Variants in IL6R observed in about 807,000 individuals in gnomAD.
IL6R encodes the protein interleukin 6 receptor.
Under a neutral mutation model 48.3 loss-of-function variants are expected in IL6R, and 38 were observed. That is an observed-to-expected ratio of 0.79 (90% CI 0.61 to 1.03). The LOEUF (loss-of-function observed/expected upper bound fraction) is 1.03. Among genes scored for constraint, IL6R ranks in the 50% least tolerant of loss-of-function variants. The pLI is 0.00. For missense variants in IL6R, 534 were observed against 618.3 expected, an observed-to-expected ratio of 0.86 and a Z score of 1.45; for synonymous variants, 264 against 256.2, an observed-to-expected ratio of 1.03 and a Z score of -0.29.
rs1338006987 is a variant in IL6R at position 154,413,008 on chromosome 1, C to CTT, written c.85+7304_85+7305dup. ...TGAGTTTATTTATCTGGTTCCCCCC[C>CTT]TTTTTTTTTTTGAGACAGAGTCTTG... On this transcript the variant is annotated intron_variant, in intron 1 of 9. Coordinates refer to ENST00000368485, the MANE Select transcript of IL6R (RefSeq NM_000565.4). Among the ~76,000 whole-genome samples, 5 of 144,786 alleles carry CTT rather than the reference C, an allele frequency of 3.5e-5. No homozygotes were observed. The East Asian group carries it at 6.0e-4, about 17-fold the overall frequency. The allele number at this position is 144,786 out of a possible 152,430, so 95.0% of individuals were successfully genotyped here.
intron 6 of IL6R, among the ~76,000 whole-genome samples, chr1:154,443,499 T>G (rs6676117): frequency 0.019 from 2,959 of 152,322 alleles, 108 homozygotes; most frequent in African/African-American, 0.067. Flanking sequence ...CCACTTCCAC[T>G]GCATCACCTG....
chr1:154,447,442 A>ATATATATATATATATATAT (rs375992381), intron 6 of IL6R, among the ~76,000 whole-genome samples: 3 of 60,228 alleles, frequency 5.0e-5, no homozygotes, highest in East Asian at 4.3e-4. Flanking sequence ...CCATCTCAAA[A>ATATATATATATATATATAT]AAAAAAAAAA....
rs369231171 is a variant in IL6R at position 154,413,829 on chromosome 1, A to ATCTC, written c.85+8131_85+8134dup. On this transcript the variant is annotated intron_variant, in intron 1 of 9. Coordinates refer to ENST00000368485, the MANE Select transcript of IL6R (RefSeq NM_000565.4). ...TTTGCCAAGAAATTTCTTTTTTTCC[A>ATCTC]TCTCTCTCTCTCTCTCTCTTTCTTT... 5.0e-3 allele frequency among the ~76,000 whole-genome samples: 558 copies of ATCTC among 112,136 alleles called. 6 individuals are homozygous for ATCTC. Among genetic ancestry groups the ATCTC allele is most frequent in the African/African-American group, 0.017 (511 of 29,292 alleles). The allele number at this position is 112,136 out of a possible 152,430, so 73.6% of individuals were successfully genotyped here.
Position 154,405,527 on chromosome 1 carries a change from C to CAGG in IL6R, c.-103_-102insAGG. 2.3e-6 allele frequency: 1 copy of CAGG among 438,994 alleles called. No individual in the cohort carries two copies. Among genetic ancestry groups the CAGG allele is most frequent in the Non-Finnish European group, 4.1e-6 (1 of 246,416 alleles). 27.2% of individuals were successfully genotyped at this position (438,994 alleles called of 1,614,324 possible). ...GGCTGCCCCCGGGGCCTGAGCCCGCCTGCCCGCCCACCGCCCCGCCCCGCC... is the reference window on the plus strand; with the variant it reads ...GGCTGCCCCCGGGGCCTGAGCCCGCCAGGTGCCCGCCCACCGCCCCGCCCCGCC... On this transcript the variant is annotated 5_prime_UTR_variant, in exon 1 of 10. Transcript: ENST00000368485. This position sits in a 1 kb window ranked among gnomAD's most constrained non-coding sequence, Gnocchi z 5.2.
At chr1:154,441,422 C>G (rs1689928036) in intron 6 of IL6R, among the ~76,000 whole-genome samples, 1 of 152,118 alleles carries the variant, frequency 6.6e-6, no homozygotes, top group South Asian at 2.1e-4. Flanking sequence ...GAGCGGAAGA[C>G]TTTGAGCCCT....
rs1243256285 is a variant in IL6R at position 154,467,573 on chromosome 1, A to G, written c.*2193A>G. 6.6e-6 allele frequency: 1 copy of G among 152,192 alleles called. No individual in the cohort carries two copies. Among genetic ancestry groups the G allele is most frequent in the African/African-American group, 2.4e-5 (1 of 41,438 alleles). The allele number at this position is 152,192 out of a possible 1,614,324, so 9.4% of individuals were successfully genotyped here. On this transcript the variant is annotated 3_prime_UTR_variant, in exon 10 of 10. Coordinates refer to ENST00000368485, the MANE Select transcript of IL6R (RefSeq NM_000565.4). ...GGCTTGTCTGTAGATTTTAGACCCT[A>G]TTGCTGCTTGAGGCAACTCATCTTA...
intron 1 of IL6R, among the ~76,000 whole-genome samples, chr1:154,418,930 G>T (rs1688503012): frequency 6.6e-6 from 1 of 152,134 alleles, no homozygotes; most frequent in African/African-American, 2.4e-5. Context: ...CCTTCCCTGG[G>T]CCTCTGAAGG....
chr1:154,448,064 C>T lies in IL6R; in HGVS notation c.950-61C>T, dbSNP rs1328981232. 1.2e-5 allele frequency: 17 copies of T among 1,360,320 alleles called. No individual in the cohort carries two copies. In the East Asian group the frequency reaches 3.9e-4, roughly 31 times the overall value. 84.3% of individuals were successfully genotyped at this position (1,360,320 alleles called of 1,614,324 possible). A position where few individuals can be genotyped will look rare whatever the true frequency, so the allele number is the denominator to read the frequency against. ...AACTTTTTTTTTCTGATGCTGAAGC[C>T]CCTGAGACAGGACTCCAGGGCCCAT... On this transcript the variant is annotated intron_variant, in intron 6 of 9. Transcript: ENST00000368485.
intron 6 of IL6R, among the ~76,000 whole-genome samples, chr1:154,439,976 C>G (rs1258744561): frequency 2.0e-5 from 3 of 152,072 alleles, no homozygotes; most frequent in African/African-American, 7.2e-5. Context: ...GACCTTGGCT[C>G]ACTGCAACCT....
intron 1 of IL6R, among the ~76,000 whole-genome samples, chr1:154,419,191 C>A (rs1688516086): frequency 6.6e-6 from 1 of 152,182 alleles, no homozygotes; most frequent in Non-Finnish European, 1.5e-5. Context: ...GGGGACAAGA[C>A]TTCCTCCCTG....
rs906383211 is a variant in IL6R, at chr1:154,465,078, T to C, written c.1161-56T>C. 5 of 1,607,980 alleles carry C rather than the reference T, an allele frequency of 3.1e-6. No individual in the cohort carries two copies. In the African/African-American group the frequency reaches 5.3e-5, roughly 17 times the overall value. ...GCTGTTGGTGTTTTCCACTGTGGGC[T>C]TGTCACAGGGGGAGCTAAAAATCTG... On this transcript the variant is annotated intron_variant, in intron 9 of 9. Transcript: ENST00000368485.
rs569990473 is a variant in IL6R at position 154,460,331 on chromosome 1, C to T, written c.1161-4803C>T. 8.5e-5 allele frequency among the ~76,000 whole-genome samples: 13 copies of T among 152,174 alleles called. No homozygotes were observed. The South Asian group carries it at 2.7e-3, about 32-fold the overall frequency. On this transcript the variant is annotated intron_variant, in intron 9 of 9. Coordinates refer to ENST00000368485, the MANE Select transcript of IL6R (RefSeq NM_000565.4). ...CCTCAGGTTGGCTGGTTTCAAAGTC[C>T]TCTTTGAGTTTAGTGATTTTCAGAA...
intron 1 of IL6R, among the ~76,000 whole-genome samples, chr1:154,428,029 G>A (rs1689071389): frequency 6.6e-6 from 1 of 152,144 alleles, no homozygotes; most frequent in Non-Finnish European, 1.5e-5. Context: ...TGGTTCAAAG[G>A]ACCAAGTGTG....
chr1:154,414,625 A>T (rs1688226833), intron 1 of IL6R: 1 of 801,018 alleles, frequency 1.2e-6, no homozygotes, highest in Admixed American at 2.0e-5. Context: ...GATAGTGTCA[A>T]GCAGGATGTC....
chr1:154,437,397 G>A (rs1219573730), intron 6 of IL6R: 9 of 358,576 alleles, frequency 2.5e-5, no homozygotes, highest in African/African-American at 4.3e-5. Context: ...GTGCCCGGTC[G>A]GAAATTTTTT....
chr1:154,412,152 T>C (rs941872144), intron 1 of IL6R, among the ~76,000 whole-genome samples: 9 of 151,970 alleles, frequency 5.9e-5, no homozygotes, highest in Non-Finnish European at 1.3e-4. Context: ...TTTCACTGTG[T>C]CAGCCAGGAG....
chr1:154,436,054 T>G lies in IL6R; in HGVS notation c.893T>G (p.Phe298Cys). 1 of 1,613,162 alleles carries G rather than the reference T, an allele frequency of 6.2e-7. No individual in the cohort carries two copies. The highest frequency in any genetic ancestry group is 8.5e-7 in the Non-Finnish European group (1 of 1,179,540). Reference protein sequence around the residue: ...HVVQLRAQEEFGQGEWSEWSP... With the variant: ...HVVQLRAQEECGQGEWSEWSP... ...GTGCAGCTTCGTGCCCAGGAGGAGT[T>G]CGGGCAAGGCGAGTGGAGCGAGTGG... Residue 298 changes from phenylalanine (F) to cysteine (C), a missense_variant, in exon 6 of 10, where the codon TTC (phenylalanine) becomes TGC (cysteine). Transcript: ENST00000368485.
intron 9 of IL6R, among the ~76,000 whole-genome samples, chr1:154,457,070 C>T (rs926008611): frequency 6.6e-6 from 1 of 152,014 alleles, no homozygotes; most frequent in African/African-American, 2.4e-5. Context: ...CGCCTGTAAT[C>T]CCAACACTTT....
In IL6R at chr1:154,465,485, C is replaced by A; in HGVS notation, c.*105C>A. Reference sequence around the variant, plus strand: ...CATGCCAGCTTATCTCAGGGGTGTGCGGCCTTTGGCTTCACGGAAGAGCCT... The same window carrying A: ...CATGCCAGCTTATCTCAGGGGTGTGAGGCCTTTGGCTTCACGGAAGAGCCT... On this transcript the variant is annotated 3_prime_UTR_variant, in exon 10 of 10. Coordinates refer to ENST00000368485, the MANE Select transcript of IL6R (RefSeq NM_000565.4). The A allele has an allele frequency of 7.5e-7, 1 of 1,328,098 alleles. No individual in the cohort carries two copies. Among genetic ancestry groups the A allele is most frequent in the Non-Finnish European group, 1.1e-6 (1 of 941,816 alleles). The allele number at this position is 1,328,098 out of a possible 1,614,324, so 82.3% of individuals were successfully genotyped here.
Sources: allele counts gnomAD v4.1 joint callset (sites outside exome capture counted in the v4.1 genomes callset), GRCh38; gene constraint gnomAD v4.1.1; non-coding constraint Gnocchi (gnomAD v3.1); transcripts MANE v1.5; gene names NCBI Gene and HGNC (gene_info 2026-07-23, HGNC 2026-07-21).